The following RAPGEF2 variants were observed in gnomAD, a reference collection of about 807,000 sequenced individuals.
RAPGEF2 encodes the protein Rap guanine nucleotide exchange factor 2.
In RAPGEF2, 54 loss-of-function variants were observed where a neutral mutation model predicts 186.7. That is an observed-to-expected ratio of 0.29 (90% CI 0.23 to 0.36). The LOEUF is 0.36. Ranked by LOEUF, RAPGEF2 falls within the 10% of genes least tolerant of loss-of-function variation. RAPGEF2 has a pLI of 1.00. For synonymous variants in RAPGEF2, 712 were observed against 705.9 expected (o/e 1.01, Z -0.14); for missense variants, 1,532 against 2,045.0 (o/e 0.75, Z 4.84).
intron 9 of RAPGEF2, among the ~76,000 whole-genome samples, chr4:159,316,166 G>C (rs1193339588): frequency 6.6e-6 from 1 of 152,138 alleles, no homozygotes; most frequent in African/African-American, 2.4e-5. Context: ...TCGCACTCTT[G>C]TCTTCTGGTC....
chr4:159,141,759 A>G (rs1316859429), intron 1 of RAPGEF2, among the ~76,000 whole-genome samples: 2 of 152,164 alleles, frequency 1.3e-5, no homozygotes, highest in Non-Finnish European at 2.9e-5. Context: ...AAATTTTATC[A>G]GTCTTTAGAT....
rs1226003992 is a variant in RAPGEF2 at position 159,331,638 on chromosome 4, T to C, written c.1584T>C (p.Gly528=). ...TTTCTGAACTCTTAAAGAAAATGGGTGGACACCTAAGGCTGTTGAATATCG... is the reference window on the plus strand; with the variant it reads ...TTTCTGAACTCTTAAAGAAAATGGGCGGACACCTAAGGCTGTTGAATATCG... ...FENNLEREKM[G]GHLRLLNIAC... is the part of the protein sequence containing the mutation. The change falls in exon 15 of 30, where the codon GGT becomes GGC. Residue 528 remains glycine (G), a synonymous_variant. Transcript: ENST00000691494. 1.2e-6 allele frequency: 2 copies of C among 1,614,136 alleles called. No individual in the cohort carries two copies. Among genetic ancestry groups the C allele is most frequent in the South Asian group, 1.1e-5 (1 of 91,086 alleles).
chr4:159,331,929 T>C lies in RAPGEF2; in HGVS notation c.1783T>C (p.Leu595=), dbSNP rs752928690. Residue 595 remains leucine (L), a synonymous_variant, in exon 16 of 30, where the codon TTA becomes CTA. Coordinates refer to ENST00000691494, the MANE Select transcript of RAPGEF2 (RefSeq NM_001394067.2). ...EAGLKRGDQI[L]EVNGQNFENI... is the part of the protein sequence containing the mutation. ...CATTTTATAATTTCATTTTTAGATA[T>C]TAGAAGTAAATGGCCAAAACTTTGA... 1 of 1,596,450 alleles carries C rather than the reference T, an allele frequency of 6.3e-7. No individual in the cohort carries two copies. The highest frequency in any genetic ancestry group is 1.2e-5 in the South Asian group (1 of 86,168).
rs781603441 is a variant in RAPGEF2 at position 159,314,744 on chromosome 4, A to G, written c.829A>G (p.Ile277Val). 5.6e-6 allele frequency: 9 copies of G among 1,609,570 alleles called. No homozygotes were observed. Among genetic ancestry groups the G allele is most frequent in the South Asian group, 4.4e-5 (4 of 90,186 alleles). The change falls in exon 9 of 30, where the codon ATT (isoleucine) becomes GTT (valine). Residue 277 changes from isoleucine (I) to valine (V), a missense_variant. Physicochemically the swap from Ile to Val is conservative, Grantham distance 29 (BLOSUM62 3). Transcript: ENST00000691494. The part of the protein sequence containing the change: ...IVRDCLEKDP[I>V]DRTDDDIEQL... ...GAGAGACTGCCTAGAGAAGGACCCAATTGACCGGACAGATGATGACATTGG... is the reference window on the plus strand; with the variant it reads ...GAGAGACTGCCTAGAGAAGGACCCAGTTGACCGGACAGATGATGACATTGG...
At chr4:159,122,796 A>T (rs1739851675) in intron 1 of RAPGEF2, among the ~76,000 whole-genome samples, 1 of 152,162 alleles carries the variant, frequency 6.6e-6, no homozygotes, top group Admixed American at 6.5e-5. Flanking sequence ...GAATAATATT[A>T]TGGGACCCAT....
chr4:159,212,812 C>T (rs768990405), intron 4 of RAPGEF2, among the ~76,000 whole-genome samples: 3 of 152,110 alleles, frequency 2.0e-5, no homozygotes, highest in Non-Finnish European at 2.9e-5. Context: ...AAGACTGAAA[C>T]CCTAGAACAG....
intron 15 of RAPGEF2, 25 bp from the exon 16 acceptor site, chr4:159,331,901 A>T (rs1766732428): frequency 6.3e-7 from 1 of 1,589,342 alleles, no homozygotes; most frequent in Non-Finnish European, 8.5e-7. Context: ...GTCAATTTTG[A>T]TACATTTTAT....
chr4:159,275,364 C>A (rs1758721797), intron 7 of RAPGEF2, among the ~76,000 whole-genome samples: 1 of 152,010 alleles, frequency 6.6e-6, no homozygotes, highest in Non-Finnish European at 1.5e-5. Flanking sequence ...TGAAAAATTT[C>A]TTTACAATTA....
chr4:159,349,268 A>G (rs1437701668), intron 25 of RAPGEF2, among the ~76,000 whole-genome samples: 1 of 152,254 alleles, frequency 6.6e-6, no homozygotes, highest in East Asian at 1.9e-4. Context: ...GTTAAATTTT[A>G]CTAACACTAA....
intron 1 of RAPGEF2, among the ~76,000 whole-genome samples, chr4:159,140,753 C>T (rs1742225885): frequency 6.6e-6 from 1 of 151,572 alleles, no homozygotes; most frequent in Non-Finnish European, 1.5e-5. Flanking sequence ...TTGATAACAC[C>T]AATTTAATGT....
In RAPGEF2 at chr4:159,353,793, A is replaced by C. The variant is rs368903792; in HGVS notation, c.4398A>C (p.Thr1466=). 3 of 1,614,238 alleles carry C rather than the reference A, an allele frequency of 1.9e-6. No homozygotes were observed. Among genetic ancestry groups the C allele is most frequent in the Admixed American group, 3.3e-5 (2 of 60,034 alleles). The change falls in exon 28 of 30, where the codon ACA becomes ACC. Residue 1466 remains threonine (T), a synonymous_variant. Transcript: ENST00000691494. This position sits in a 1 kb window ranked among gnomAD's most constrained non-coding sequence, Gnocchi z 4.3. ...MDQIMFSDHS[T]KYNRQNQSRE... ...AAATTATGTTTTCTGATCATAGCAC[A>C]AAGTATAACAGGCAAAATCAAAGTA...
At chr4:159,284,481 GACACACACACACACACACACAC>G (rs36232973) in intron 7 of RAPGEF2, among the ~76,000 whole-genome samples, 552 of 140,430 alleles carry the variant, frequency 3.9e-3, no homozygotes, top group Non-Finnish European at 4.0e-3. Context: ...CCGCCATGGA[GACACACACACACACACACACAC>G]ACACACACAC....
In RAPGEF2 at chr4:159,331,919, T is replaced by A. The variant is rs759864385; in HGVS notation, c.1780-7T>A. On this transcript the variant is annotated splice_region_variant and splice_polypyrimidine_tract_variant and intron_variant, in intron 15 of 29. Coordinates refer to ENST00000691494, the MANE Select transcript of RAPGEF2 (RefSeq NM_001394067.2). ...AATTTTGATACATTTTATAATTTCA[T>A]TTTTAGATATTAGAAGTAAATGGCC... 1.5e-5 allele frequency: 24 copies of A among 1,590,660 alleles called. No individual in the cohort carries two copies. Among genetic ancestry groups the A allele is most frequent in the Non-Finnish European group, 3.4e-6 (4 of 1,171,414 alleles).
intron 1 of RAPGEF2, among the ~76,000 whole-genome samples, chr4:159,178,867 A>G (rs1746737570): frequency 6.6e-6 from 1 of 152,080 alleles, no homozygotes; most frequent in African/African-American, 2.4e-5. Flanking sequence ...CCTAGCATGT[A>G]TTATGTTAAC....
intron 1 of RAPGEF2, among the ~76,000 whole-genome samples, chr4:159,118,258 C>A (rs1739268003): frequency 1.3e-5 from 2 of 152,154 alleles, no homozygotes; most frequent in Admixed American, 1.3e-4. Context: ...GGAGCACAAA[C>A]CCTATTGTGA....
chr4:159,316,372 G>A (rs1426882519), intron 9 of RAPGEF2, among the ~76,000 whole-genome samples: 1 of 151,838 alleles, frequency 6.6e-6, no homozygotes, highest in Admixed American at 6.6e-5. Flanking sequence ...TATTATACTG[G>A]AACAGCTCAT....
intron 4 of RAPGEF2, among the ~76,000 whole-genome samples, chr4:159,234,672 G>T (rs1268778654): frequency 6.6e-6 from 1 of 151,036 alleles, no homozygotes; most frequent in Non-Finnish European, 1.5e-5. Flanking sequence ...TTATTGGCCA[G>T]TCTGGTCTCA....
chr4:159,265,143 A>C (rs1201722952), intron 7 of RAPGEF2, among the ~76,000 whole-genome samples: 1 of 152,164 alleles, frequency 6.6e-6, no homozygotes, highest in Non-Finnish European at 1.5e-5. Flanking sequence ...GCCCTTTCCC[A>C]GTCAGTGGAA....
At chr4:159,181,291 G>A (rs79598921) in intron 1 of RAPGEF2, among the ~76,000 whole-genome samples, 1 of 152,088 alleles carries the variant, frequency 6.6e-6, no homozygotes, top group Non-Finnish European at 1.5e-5. Flanking sequence ...CCAAATTCTT[G>A]CTTCTACTGT....
Sources: gnomAD v4.1 joint callset for allele counts (sites outside exome capture counted in the v4.1 genomes callset) on GRCh38, gnomAD v4.1.1 for gene constraint, Gnocchi (gnomAD v3.1) non-coding constraint, MANE v1.5 for transcripts, NCBI Gene and HGNC (gene_info 2026-07-23, HGNC 2026-07-21) for gene names.